Variants in RAB3IP observed in about 807,000 individuals in gnomAD.
RAB3IP encodes the protein RAB3A interacting protein, also known as rab-3A-interacting protein.
A neutral mutation model predicts 59.1 loss-of-function variants in RAB3IP; 36 were observed. That is an observed-to-expected ratio of 0.61 (90% CI 0.47 to 0.80). The LOEUF (loss-of-function observed/expected upper bound fraction) is 0.80, where lower values mean the gene tolerates loss of function less well. Ranked by LOEUF, RAB3IP falls within the 30% of genes least tolerant of loss-of-function variation. RAB3IP has a pLI of 0.00. For missense variants in RAB3IP, 511 were observed against 536.0 expected (o/e 0.95, Z 0.46); for synonymous variants, 207 against 191.2 (o/e 1.08, Z -0.68).
chr12:69,812,992 A>G lies in RAB3IP; in HGVS notation c.1259A>G (p.Tyr420Cys), dbSNP rs1880663226. The change falls in exon 10 of 11, where the codon TAC becomes TGC. Residue 420 changes from tyrosine (Y) to cysteine (C), a missense_variant. Physicochemically the swap from Tyr to Cys is radical, Grantham distance 194. Coordinates refer to ENST00000247833, the MANE Select transcript of RAB3IP (RefSeq NM_022456.5). ...RITSVCNFFTYIRYIQQGLVK... is the reference protein window; with the variant it reads ...RITSVCNFFTCIRYIQQGLVK... ...ACTTCTGTATGTAACTTTTTTACAT[A>G]CATTCGATACATTCAGCAGGGACTC... 6.2e-7 allele frequency: 1 copy of G among 1,613,526 alleles called. No homozygotes were observed. Among genetic ancestry groups the G allele is most frequent in the African/African-American group, 1.3e-5 (1 of 74,936 alleles).
intron 3 of RAB3IP, among the ~76,000 whole-genome samples, chr12:69,765,360 C>G (rs190996848): frequency 7.9e-4 from 120 of 152,234 alleles, no homozygotes; most frequent in African/African-American, 2.1e-3. Flanking sequence ...GATGTTGGAT[C>G]TTATTGAAAG....
chr12:69,754,357 A>ACACG (rs1399891205), intron 1 of RAB3IP, among the ~76,000 whole-genome samples: 1 of 151,818 alleles, frequency 6.6e-6, no homozygotes, highest in Non-Finnish European at 1.5e-5. Flanking sequence ...ACACACACAC[A>ACACG]CACACACACA....
At chr12:69,739,754 C>A in intron 1 of RAB3IP, 1 of 1,419,044 alleles carries the variant, frequency 7.0e-7, no homozygotes, top group Non-Finnish European at 9.9e-7. Context: ...GCGTTGACAA[C>A]TCGCCCCGAC....
chr12:69,754,734 T>C (rs1199653908), intron 1 of RAB3IP, among the ~76,000 whole-genome samples: 1 of 152,222 alleles, frequency 6.6e-6, no homozygotes, highest in Non-Finnish European at 1.5e-5. Flanking sequence ...ATGTTGTACA[T>C]GATAAATACA....
chr12:69,821,886 C>T lies in RAB3IP; in HGVS notation c.*6440C>T, dbSNP rs1247874757. Reference sequence around the variant, plus strand: ...AAGGCTAAGGGACCCACTTTACTCACTTATCTGCTGGGCCTTGGAAGTATT... The same window carrying T: ...AAGGCTAAGGGACCCACTTTACTCATTTATCTGCTGGGCCTTGGAAGTATT... On this transcript the variant is annotated 3_prime_UTR_variant, in exon 11 of 11. Transcript: ENST00000247833. 2 of 152,218 alleles carry T rather than the reference C, an allele frequency of 1.3e-5. No individual in the cohort carries two copies. The highest frequency in any genetic ancestry group is 1.3e-4 in the Admixed American group (2 of 15,278). 9.4% of individuals were successfully genotyped at this position (152,218 alleles called of 1,614,324 possible).
chr12:69,808,346 G>A (rs1007492431), intron 8 of RAB3IP, among the ~76,000 whole-genome samples: 8 of 152,146 alleles, frequency 5.3e-5, no homozygotes, highest in African/African-American at 1.9e-4. Flanking sequence ...GTGGTGTGGT[G>A]CTGAAAAGAA....
At chr12:69,768,860 A>G (rs545663483) in intron 3 of RAB3IP, among the ~76,000 whole-genome samples, 1 of 152,206 alleles carries the variant, frequency 6.6e-6, no homozygotes, top group African/African-American at 2.4e-5. Flanking sequence ...ATGAATGGCC[A>G]TGTTGCCAGG....
At chr12:69,808,938 CATT>C (rs1302098914) in intron 8 of RAB3IP, among the ~76,000 whole-genome samples, 3 of 151,864 alleles carry the variant, frequency 2.0e-5, no homozygotes, top group African/African-American at 4.8e-5. Flanking sequence ...TTGATCCTGT[CATT>C]ATGATGTTAG....
At chr12:69,800,446 A>G (rs1878200661) in intron 7 of RAB3IP, 109 bp downstream of exon 7, 1 of 690,606 alleles carries the variant, frequency 1.4e-6, no homozygotes, top group East Asian at 3.5e-5. Flanking sequence ...AGTTATTATA[A>G]AATGTCATGT....
intron 7 of RAB3IP, among the ~76,000 whole-genome samples, chr12:69,801,013 T>C (rs1878287190): frequency 6.6e-6 from 1 of 152,204 alleles, no homozygotes; most frequent in Non-Finnish European, 1.5e-5. Flanking sequence ...GGTATGAATA[T>C]ATCTTGTTCA....
intron 3 of RAB3IP, among the ~76,000 whole-genome samples, chr12:69,767,110 A>G (rs11177838): frequency 0.21 from 32,359 of 152,114 alleles, 4,179 homozygotes; most frequent in Middle Eastern, 0.35. Flanking sequence ...TTGCACTTCT[A>G]ATTTTTGTAA....
intron 3 of RAB3IP, among the ~76,000 whole-genome samples, chr12:69,770,671 G>T (rs1459773705): frequency 6.6e-6 from 1 of 151,618 alleles, no homozygotes; most frequent in East Asian, 1.9e-4. Flanking sequence ...TTTTAACCTA[G>T]CCATAATGTC....
chr12:69,803,454 T>C (rs919146586), intron 8 of RAB3IP, among the ~76,000 whole-genome samples: 1 of 152,116 alleles, frequency 6.6e-6, no homozygotes, highest in Admixed American at 6.5e-5. Flanking sequence ...TAGGTACTCT[T>C]CTTGAAGGAA....
intron 6 of RAB3IP, among the ~76,000 whole-genome samples, chr12:69,797,477 CTTTTTTTTT>C: frequency 9.1e-5 from 5 of 54,944 alleles, no homozygotes; most frequent in Admixed American, 1.9e-4. Context: ...TCTTTTCTTT[CTTTTTTTTT>C]TTTTTTTTTT....
At chr12:69,814,371 A>G (rs1880873632) in intron 10 of RAB3IP, among the ~76,000 whole-genome samples, 1 of 152,068 alleles carries the variant, frequency 6.6e-6, no homozygotes, top group Non-Finnish European at 1.5e-5. Flanking sequence ...CATATCATTT[A>G]GTATGTGTGT....
intron 3 of RAB3IP, among the ~76,000 whole-genome samples, chr12:69,783,530 G>A (rs534123717): frequency 1.3e-5 from 2 of 152,020 alleles, no homozygotes; most frequent in African/African-American, 2.4e-5. Flanking sequence ...TCTTTGTTAC[G>A]TACTCCTCTA....
rs2136300236 is a variant in RAB3IP at position 69,819,483 on chromosome 12, T to A, written c.*4037T>A. 1 of 152,274 alleles carries A rather than the reference T, an allele frequency of 6.6e-6. No individual in the cohort carries two copies. Among genetic ancestry groups the A allele is most frequent in the Non-Finnish European group, 1.5e-5 (1 of 68,140 alleles). The allele number at this position is 152,274 out of a possible 1,614,324, so 9.4% of individuals were successfully genotyped here. On this transcript the variant is annotated 3_prime_UTR_variant, in exon 11 of 11. Transcript: ENST00000247833. ...CAGTAAGGTCAGTCCAGGAGAAAAT[T>A]TGGGGAGTAGTTAGCCATGGGATCA...
intron 3 of RAB3IP, among the ~76,000 whole-genome samples, chr12:69,772,173 G>A (rs1873230227): frequency 6.6e-6 from 1 of 151,824 alleles, no homozygotes; most frequent in South Asian, 2.1e-4. Context: ...TAATACTCTT[G>A]TTTCTTCTTA....
chr12:69,792,099 A>G (rs1012823173), intron 4 of RAB3IP, among the ~76,000 whole-genome samples: 3 of 152,214 alleles, frequency 2.0e-5, no homozygotes. Flanking sequence ...TGTGGAATCT[A>G]AAATAGTCGA....
Sources: gnomAD v4.1 joint callset for allele counts (sites outside exome capture counted in the v4.1 genomes callset) on GRCh38, gnomAD v4.1.1 for gene constraint, MANE v1.5 for transcripts, NCBI Gene and HGNC (gene_info 2026-07-23, HGNC 2026-07-21) for gene names.